TBC1D14: variants seen among roughly 807,000 people sequenced by gnomAD.
TBC1D14 encodes the protein TBC1 domain family, member 14.
In TBC1D14, 26 loss-of-function variants were observed where a neutral mutation model predicts 79.0. That is an observed-to-expected ratio of 0.33 (90% CI 0.24 to 0.46). TBC1D14 has a LOEUF of 0.46. Among genes scored for constraint, TBC1D14 ranks in the 20% least tolerant of loss-of-function variants. The pLI is 1.00. For missense variants in TBC1D14, 769 were observed against 887.6 expected (o/e 0.87, Z 1.70); for synonymous variants, 394 against 349.9 (o/e 1.13, Z -1.40).
Position 6,913,064 on chromosome 4 carries a change from C to T in TBC1D14, c.-18+3113C>T, listed in dbSNP as rs142338173. On this transcript the variant is annotated intron_variant, in intron 1 of 13. Coordinates refer to ENST00000409757, the MANE Select transcript of TBC1D14 (RefSeq NM_020773.3). ...GCTGGAGTGCAATGGTGTGAGATCT[C>T]GGCTCACTGCAACCTTTGTCTCCCA... Among the ~76,000 whole-genome samples, 1,303 of 151,698 alleles carry T rather than the reference C, an allele frequency of 8.6e-3. 19 individuals are homozygous for T. Among genetic ancestry groups the T allele is most frequent in the African/African-American group, 0.029 (1,196 of 41,312 alleles).
In TBC1D14 at chr4:6,994,218, C is replaced by T. The variant is rs755229362; in HGVS notation, c.878C>T (p.Pro293Leu). Residue 293 changes from proline (P) to leucine (L), a missense_variant, in exon 4 of 14, where the codon CCA becomes CTA. This residue lies in a region of TBC1D14 where 402 missense variants were observed against 393.2 expected (regional missense o/e 1.02). Coordinates refer to ENST00000409757, the MANE Select transcript of TBC1D14 (RefSeq NM_020773.3). ...GACAAGGCTGGAAGACCTAGCAAGC[C>T]ACCCTCTCCAAAGCAGAATGTGAGG... ...YEDKAGRPSK[P>L]PSPKQNVRKN... 1 of 1,614,186 alleles carries T rather than the reference C, an allele frequency of 6.2e-7. No homozygotes were observed. Among genetic ancestry groups the T allele is most frequent in the South Asian group, 1.1e-5 (1 of 91,086 alleles).
intron 2 of TBC1D14, among the ~76,000 whole-genome samples, chr4:6,962,390 G>T (rs1030080296): frequency 6.6e-6 from 1 of 152,078 alleles, no homozygotes; most frequent in African/African-American, 2.4e-5. Context: ...TTTACTTGCC[G>T]TGCCCTTGAT....
At chr4:6,939,054 C>T (rs987939971) in intron 2 of TBC1D14, among the ~76,000 whole-genome samples, 2 of 152,212 alleles carry the variant, frequency 1.3e-5, no homozygotes, top group Admixed American at 1.3e-4. Flanking sequence ...CTCTCCGGCT[C>T]AGCCGGTGGC....
intron 2 of TBC1D14, among the ~76,000 whole-genome samples, chr4:6,964,238 G>A (rs1014861655): frequency 1.3e-5 from 2 of 152,124 alleles, no homozygotes; most frequent in Non-Finnish European, 2.9e-5. Flanking sequence ...TAACACTCCA[G>A]CTTGTGCTCA....
chr4:6,926,983 G>A (rs748752209), intron 2 of TBC1D14, among the ~76,000 whole-genome samples: 2 of 152,198 alleles, frequency 1.3e-5, no homozygotes, highest in African/African-American at 2.4e-5. Flanking sequence ...ATGGAAGGAC[G>A]TGTGAACAGT....
intron 12 of TBC1D14, among the ~76,000 whole-genome samples, chr4:7,020,379 A>C (rs1236315261): frequency 1.3e-5 from 2 of 152,224 alleles, no homozygotes; most frequent in African/African-American, 4.8e-5. Flanking sequence ...AAATCTAATG[A>C]GGCTCAGTAG....
chr4:6,922,672 C>T (rs1723957992), intron 1 of TBC1D14, among the ~76,000 whole-genome samples: 2 of 152,106 alleles, frequency 1.3e-5, no homozygotes, highest in Admixed American at 6.6e-5. Context: ...ACAAGTAGAT[C>T]CTTGACTTAT....
chr4:6,915,368 C>T (rs554579680), intron 1 of TBC1D14, among the ~76,000 whole-genome samples: 1 of 152,294 alleles, frequency 6.6e-6, no homozygotes, highest in African/African-American at 2.4e-5. Flanking sequence ...TTGGGGGTCA[C>T]TGCACCTGCT....
At chr4:6,967,472 CAT>C in intron 3 of TBC1D14, 48 bp downstream of exon 3, 1 of 1,596,774 alleles carries the variant, frequency 6.3e-7, no homozygotes, top group Non-Finnish European at 8.5e-7. Context: ...ATGTGTTTAG[CAT>C]ATATTCATGA....
intron 3 of TBC1D14, among the ~76,000 whole-genome samples, chr4:6,986,689 G>A (rs1372663300): frequency 1.3e-5 from 2 of 152,144 alleles, no homozygotes; most frequent in Non-Finnish European, 2.9e-5. Flanking sequence ...TATGGTGTAG[G>A]GTCGAAGTTT....
intron 2 of TBC1D14, among the ~76,000 whole-genome samples, chr4:6,930,884 G>A (rs966375871): frequency 4.6e-5 from 7 of 151,876 alleles, no homozygotes; most frequent in Non-Finnish European, 1.0e-4. Flanking sequence ...CACTTACTCT[G>A]GGTCTTCTTT....
At chr4:6,928,484 G>A (rs1205802303) in intron 2 of TBC1D14, among the ~76,000 whole-genome samples, 2 of 152,144 alleles carry the variant, frequency 1.3e-5, no homozygotes, top group Non-Finnish European at 2.9e-5. Context: ...CTTAGCCCCT[G>A]CGATCGCCAG....
intron 5 of TBC1D14, among the ~76,000 whole-genome samples, chr4:6,996,710 C>A (rs1358093679): frequency 6.6e-6 from 1 of 152,182 alleles, no homozygotes. Context: ...TCCCAGAAGC[C>A]CCCAGGGCTG....
chr4:6,934,333 C>T (rs75673756), intron 2 of TBC1D14, among the ~76,000 whole-genome samples: 2,642 of 151,920 alleles, frequency 0.017, 90 homozygotes, highest in African/African-American at 0.061. Flanking sequence ...GGTGCCGGCC[C>T]GGTGAGCATG....
intron 7 of TBC1D14, 38 bp from the exon 8 acceptor site, chr4:7,004,806 A>G (rs962978637): frequency 1.9e-6 from 3 of 1,602,174 alleles, no homozygotes; most frequent in Admixed American, 3.3e-5. Context: ...CGAAAAATAC[A>G]TGTGCACGTA....
intron 11 of TBC1D14, among the ~76,000 whole-genome samples, chr4:7,011,317 CGGTGACAGTGGGGGGT>C (rs150708290): frequency 0.016 from 2,326 of 148,828 alleles, 74 homozygotes; most frequent in African/African-American, 0.054. Flanking sequence ...AAGTGGGAGG[CGGTGACAGTGGGGGGT>C]GGTGACAGTG....
chr4:6,977,031 C>T (rs1292541771), intron 3 of TBC1D14, among the ~76,000 whole-genome samples: 2 of 140,354 alleles, frequency 1.4e-5, no homozygotes, highest in Admixed American at 7.2e-5. Flanking sequence ...CAGGGCGCTC[C>T]CTCCTCTCCC....
At chr4:7,028,089 C>G (rs541756960) in intron 13 of TBC1D14, among the ~76,000 whole-genome samples, 8 of 149,826 alleles carry the variant, frequency 5.3e-5, no homozygotes, top group African/African-American at 2.0e-4. Flanking sequence ...TCACCCCCCA[C>G]ATACACCTAT....
At chr4:6,950,118 G>A (rs546941156) in intron 2 of TBC1D14, among the ~76,000 whole-genome samples, 4 of 152,192 alleles carry the variant, frequency 2.6e-5, no homozygotes, top group East Asian at 1.9e-4. Flanking sequence ...GTGTCCATGC[G>A]TACTCATTGT....
Sources: gnomAD v4.1 joint callset for allele counts (sites outside exome capture counted in the v4.1 genomes callset) on GRCh38, gnomAD v4.1.1 for gene constraint, gnomAD v4.1.1 regional missense constraint, MANE v1.5 for transcripts, NCBI Gene and HGNC (gene_info 2026-07-23, HGNC 2026-07-21) for gene names.